BRPF1: variants seen among roughly 807,000 people sequenced by gnomAD.
BRPF1 encodes the protein peregrin.
A neutral mutation model predicts 115.0 loss-of-function variants in BRPF1; 15 were observed. That is an observed-to-expected ratio of 0.13 (90% confidence interval 0.09 to 0.20). The LOEUF is 0.20. Among genes scored for constraint, BRPF1 ranks in the 10% least tolerant of loss-of-function variants. The pLI is 1.00. For missense variants in BRPF1, 1,118 were observed against 1,638.3 expected (o/e 0.68, Z 5.48); for synonymous variants, 647 against 619.8 (o/e 1.04, Z -0.65).
Position 9,745,999 on chromosome 3 carries a change from T to C in BRPF1, c.3324+69T>C. On this transcript the variant is annotated intron_variant, in intron 12 of 13. Transcript: ENST00000383829. This position sits in a 1 kb window ranked among gnomAD's most constrained non-coding sequence, Gnocchi z 5.1. ...TACAGATTCACAGTTAGCAGACTTT[T>C]CCTACTCCCTGCTGAGCTGTGGGGC... 1.3e-6 allele frequency: 2 copies of C among 1,516,766 alleles called. No individual in the cohort carries two copies. Among genetic ancestry groups the C allele is most frequent in the South Asian group, 1.2e-5 (1 of 80,976 alleles). The allele number at this position is 1,516,766 out of a possible 1,614,324, so 94.0% of individuals were successfully genotyped here. A position where few individuals can be genotyped will look rare whatever the true frequency, so the allele number is the denominator to read the frequency against.
rs773276037 is a variant in BRPF1 at position 9,741,448 on chromosome 3, T to A, written c.1854+9T>A. On this transcript the variant is annotated intron_variant, in intron 5 of 13. Transcript: ENST00000383829. ...AACTCAAAAGGGAGACGGTGAGTGC[T>A]CCTGGGCCAGCCCTATTTTATAAAA... 1 of 1,568,898 alleles carries A rather than the reference T, an allele frequency of 6.4e-7. No individual in the cohort carries two copies. The highest frequency in any genetic ancestry group is 1.9e-5 in the Admixed American group (1 of 52,896).
intron 2 of BRPF1, 41 bp from the exon 3 acceptor site, chr3:9,738,958 A>G (rs1163678261): frequency 2.0e-6 from 3 of 1,517,698 alleles, no homozygotes; most frequent in Non-Finnish European, 8.8e-7. Context: ...AGGGAGGGAA[A>G]TCTCAACCAT....
chr3:9,744,868 C>T, intron 9 of BRPF1, 140 bp from the exon 10 acceptor site: 1 of 1,142,598 alleles, frequency 8.8e-7, no homozygotes, highest in Non-Finnish European at 1.3e-6. Context: ...CTGCCCAGAG[C>T]TAGCTCTGCT....
Position 9,743,597 on chromosome 3 carries a change from G to C in BRPF1, c.2331G>C (p.Leu777=). Reference sequence around the variant, plus strand: ...CCCTAGCAGCCGAGGAAGAGCGGCTGGTCTTGCTGGAGAACCAGAAGCACC... The same window carrying C: ...CCCTAGCAGCCGAGGAAGAGCGGCTCGTCTTGCTGGAGAACCAGAAGCACC... ...HTEDAAEEER[L]VLLENQKHLP... The change falls in exon 8 of 14, where the codon CTG becomes CTC. Residue 777 remains leucine (L), a synonymous_variant. Transcript: ENST00000383829. This position sits in a 1 kb window ranked among gnomAD's most constrained non-coding sequence, Gnocchi z 6.1. 2 of 1,613,156 alleles carry C rather than the reference G, an allele frequency of 1.2e-6. No homozygotes were observed. Among genetic ancestry groups the C allele is most frequent in the South Asian group, 1.1e-5 (1 of 91,028 alleles).
Position 9,743,275 on chromosome 3 carries a change from CAT to C in BRPF1, c.2311+26_2311+27del, listed in dbSNP as rs1559664555. 1 of 1,597,712 alleles carries C rather than the reference CAT, an allele frequency of 6.3e-7. No individual in the cohort carries two copies. Among genetic ancestry groups the C allele is most frequent in the East Asian group, 2.2e-5 (1 of 44,566 alleles). Reference sequence around the variant, plus strand: ...GATGGTGGGTGATATATCACACACACATATAAGAGGCCAATGCCGGGGATGGA... The same window carrying C: ...GATGGTGGGTGATATATCACACACACATAAGAGGCCAATGCCGGGGATGGA... On this transcript the variant is annotated intron_variant, in intron 7 of 13. Transcript: ENST00000383829. The surrounding 1 kb of genome is among the most constrained non-coding windows in gnomAD (Gnocchi z 6.1).
chr3:9,743,680 G>A lies in BRPF1; in HGVS notation c.2414G>A (p.Ser805Asn), dbSNP rs1478927135. Residue 805 changes from serine (S) to asparagine (N), a missense_variant, in exon 8 of 14, where the codon AGC (serine) becomes AAC (asparagine). Physicochemically the swap from Ser to Asn is conservative, Grantham distance 46. Transcript: ENST00000383829. The surrounding 1 kb of genome is among the most constrained non-coding windows in gnomAD (Gnocchi z 6.1). ...GAGCGGCTGGACGAAGTGAATGCCA[G>A]CAAGCAGAGTGTGGGCCGCTCACGG... is the stretch of plus-strand genomic sequence containing the variant. ...LLERLDEVNA[S>N]KQSVGRSRRA... 2 of 1,614,172 alleles carry A rather than the reference G, an allele frequency of 1.2e-6. No homozygotes were observed. Among genetic ancestry groups the A allele is most frequent in the Non-Finnish European group, 1.7e-6 (2 of 1,180,044 alleles).
chr3:9,743,965 C>T lies in BRPF1; in HGVS notation c.2635+64C>T, dbSNP rs946447829. 7.4e-6 allele frequency: 11 copies of T among 1,487,094 alleles called. No homozygotes were observed. The Admixed American group carries it at 2.4e-4, about 32-fold the overall frequency. The allele number at this position is 1,487,094 out of a possible 1,614,324, so 92.1% of individuals were successfully genotyped here. A position where few individuals can be genotyped will look rare whatever the true frequency, so the allele number is the denominator to read the frequency against. The stretch of plus-strand genomic sequence containing the variant: ...AGACTTTGGCTCTGCAGCACACACT[C>T]AACCCCTGCCATTCCCCAGGCAGAG... On this transcript the variant is annotated intron_variant, in intron 8 of 13. Coordinates refer to ENST00000383829, the MANE Select transcript of BRPF1 (RefSeq NM_001003694.2). The surrounding 1 kb of genome is among the most constrained non-coding windows in gnomAD (Gnocchi z 6.1).
intron 2 of BRPF1, among the ~76,000 whole-genome samples, chr3:9,738,603 C>T (rs2076980051): frequency 6.6e-6 from 1 of 152,236 alleles, no homozygotes; most frequent in South Asian, 2.1e-4. Context: ...ATTCTTCGTA[C>T]CATCATCTGG....
Position 9,734,146 on chromosome 3 carries a change from G to A in BRPF1, c.6G>A (p.Gly2=), listed in dbSNP as rs759125488. 13 of 1,603,470 alleles carry A rather than the reference G, an allele frequency of 8.1e-6. No individual in the cohort carries two copies. Among genetic ancestry groups the A allele is most frequent in the Non-Finnish European group, 1.1e-5 (13 of 1,173,418 alleles). ...TGTATTCTAGATGTGACAGCATGGGGGTGGACTTTGATGTGAAGACTTTCT... is the reference window on the plus strand; with the variant it reads ...TGTATTCTAGATGTGACAGCATGGGAGTGGACTTTGATGTGAAGACTTTCT... M[G]VDFDVKTFCH... Residue 2 remains glycine, a synonymous_variant, in exon 2 of 14, where the codon GGG becomes GGA. Transcript: ENST00000383829. The surrounding 1 kb of genome is among the most constrained non-coding windows in gnomAD (Gnocchi z 5.7).
intron 1 of BRPF1, among the ~76,000 whole-genome samples, chr3:9,732,917 C>G (rs1371183267): frequency 6.6e-6 from 1 of 152,156 alleles, no homozygotes; most frequent in Admixed American, 6.5e-5. Context: ...GGGGCAGTCT[C>G]TGACCAAGCT....
chr3:9,742,663 G>A (rs985912651), intron 6 of BRPF1: 18 of 602,198 alleles, frequency 3.0e-5, no homozygotes, highest in Non-Finnish European at 3.7e-5. Context: ...TCTTACTAAA[G>A]CCTCATATAG....
Position 9,734,786 on chromosome 3 carries a change from G to T in BRPF1, c.599+47G>T. 6.3e-7 allele frequency: 1 copy of T among 1,597,984 alleles called. No homozygotes were observed. Among genetic ancestry groups the T allele is most frequent in the Non-Finnish European group, 8.6e-7 (1 of 1,168,092 alleles). On this transcript the variant is annotated intron_variant, in intron 2 of 13. Transcript: ENST00000383829. This position sits in a 1 kb window ranked among gnomAD's most constrained non-coding sequence, Gnocchi z 5.7. ...AGCTCTGGAAAACTGGTCAAGCAGG[G>T]CTCACTAGCCAGAGAGAGGTGAGAG...
chr3:9,740,884 A>G lies in BRPF1; in HGVS notation c.1665A>G (p.Pro555=), dbSNP rs754462866. ...AGCGGCAGTCACGGAATGGGGTCCC[A>G]TTGCTACGTCGCCTGCAGACACACC... ...TLKRQSRNGV[P]LLRRLQTHLQ... The change falls in exon 4 of 14, where the codon CCA becomes CCG. Residue 555 remains proline (P), a synonymous_variant. Coordinates refer to ENST00000383829, the MANE Select transcript of BRPF1 (RefSeq NM_001003694.2). The G allele has an allele frequency of 1.2e-6, 2 of 1,614,024 alleles. No homozygotes were observed. The highest frequency in any genetic ancestry group is 1.7e-6 in the Non-Finnish European group (2 of 1,180,030).
intron 3 of BRPF1, 29 bp from the exon 4 acceptor site, chr3:9,740,750 A>G (rs766355261): frequency 6.2e-7 from 1 of 1,609,370 alleles, no homozygotes. Flanking sequence ...GGGCCCAACA[A>G]GTTTTACTCT....
chr3:9,744,818 G>A (rs1156594905), intron 9 of BRPF1, among the ~76,000 whole-genome samples, 190 bp from the exon 10 acceptor site: 2 of 152,208 alleles, frequency 1.3e-5, no homozygotes, highest in African/African-American at 4.8e-5. Context: ...GCCGAGGGAA[G>A]CAAGGGGTGG....
chr3:9,741,938 T>C, intron 5 of BRPF1, 87 bp from the exon 6 acceptor site: 9 of 1,505,922 alleles, frequency 6.0e-6, no homozygotes, highest in East Asian at 2.3e-5. Flanking sequence ...AGAAGGCGGG[T>C]TCCCAGGCCA....
Position 9,738,962 on chromosome 3 carries a change from C to CA in BRPF1, c.600-35dup, listed in dbSNP as rs774839429. 2.6e-6 allele frequency: 4 copies of CA among 1,519,416 alleles called. No homozygotes were observed. In the Admixed American group the frequency reaches 8.7e-5, roughly 33 times the overall value. 94.1% of individuals were successfully genotyped at this position (1,519,416 alleles called of 1,614,324 possible). On this transcript the variant is annotated intron_variant, in intron 2 of 13. Coordinates refer to ENST00000383829, the MANE Select transcript of BRPF1 (RefSeq NM_001003694.2). ...CATCATCTTTAAGGGAGGGAAATCTCAACCATGTGATGCTGAGTTCCCTGT... is the reference window on the plus strand; with the variant it reads ...CATCATCTTTAAGGGAGGGAAATCTCAAACCATGTGATGCTGAGTTCCCTGT...
intron 6 of BRPF1, chr3:9,742,577 A>G (rs2077049411): frequency 5.1e-6 from 5 of 980,628 alleles, no homozygotes; most frequent in Non-Finnish European, 6.1e-6. Context: ...CAGCCTCCTT[A>G]TAAGTTACTG....
chr3:9,742,117 A>C lies in BRPF1; in HGVS notation c.1947A>C (p.Thr649=). ...KTLEQLQEKD[T]GNIFSEPVPL... is the part of the protein sequence containing the mutation. ...TGGAGCAGCTCCAAGAGAAGGACAC[A>C]GGCAACATCTTCAGCGAGCCGGTCC... Residue 649 remains threonine, a synonymous_variant, in exon 6 of 14, where the codon ACA becomes ACC. Transcript: ENST00000383829. 6.2e-7 allele frequency: 1 copy of C among 1,614,206 alleles called. No homozygotes were observed. The highest frequency in any genetic ancestry group is 1.7e-4 in the Middle Eastern group (1 of 6,060).
Sources: gnomAD v4.1 joint callset for allele counts (sites outside exome capture counted in the v4.1 genomes callset) on GRCh38, gnomAD v4.1.1 for gene constraint, Gnocchi (gnomAD v3.1) non-coding constraint, MANE v1.5 for transcripts, NCBI Gene and HGNC (gene_info 2026-07-23, HGNC 2026-07-21) for gene names.